Variants in HOXB3 observed in about 807,000 individuals in gnomAD.
HOXB3 encodes the protein homeobox B3.
Under a neutral mutation model 29.2 loss-of-function variants are expected in HOXB3, and 17 were observed. The observed-to-expected ratio is 0.58, with a 90% CI of 0.40 to 0.87. The LOEUF (loss-of-function observed/expected upper bound fraction) is 0.87. Ranked by LOEUF, HOXB3 falls within the 40% of genes least tolerant of loss-of-function variation. HOXB3 has a pLI of 0.00. For missense variants in HOXB3, 637 were observed against 616.3 expected (o/e 1.03, Z -0.35); for synonymous variants, 317 against 285.9 (o/e 1.11, Z -1.10).
chr17:48,551,644 G>A (rs3826542), intron 4 of HOXB3, among the ~76,000 whole-genome samples: 93,158 of 152,160 alleles, frequency 0.61, 29,918 homozygotes, highest in East Asian at 0.8. Flanking sequence ...AGAGGCTGCC[G>A]TTTCTGGAGG....
At chr17:48,572,636 CAG>C (rs780558743) in intron 2 of HOXB3, among the ~76,000 whole-genome samples, 1 of 152,168 alleles carries the variant, frequency 6.6e-6, no homozygotes, top group Admixed American at 6.5e-5. Flanking sequence ...GTGCTGTGTA[CAG>C]AGAGACAGAT....
chr17:48,568,679 G>A (rs1209719024), intron 2 of HOXB3, among the ~76,000 whole-genome samples: 1 of 152,000 alleles, frequency 6.6e-6, no homozygotes, highest in Non-Finnish European at 1.5e-5. Context: ...TGGCTGGCAT[G>A]CCGGCTGAGA....
chr17:48,550,488 G>T lies in HOXB3; in HGVS notation c.1142C>A (p.Ser381Tyr), dbSNP rs1404293963. 1.2e-6 allele frequency: 2 copies of T among 1,607,594 alleles called. No individual in the cohort carries two copies. Among genetic ancestry groups the T allele is most frequent in the African/African-American group, 2.7e-5 (2 of 74,528 alleles). The stretch of plus-strand genomic sequence containing the variant: ...CGCCCCGTTGTAGTCCAGGTTCCCG[G>T]AAGGGTGATGGGAAAGGTGGTTGAG... ...YGLNHLSHHP[S>Y]GNLDYNGAPP... is the part of the protein sequence containing the mutation. Residue 381 changes from serine (S) to tyrosine (Y), a missense_variant, in exon 5 of 5, where the codon TCC becomes TAC. Ser to Tyr is a moderately radical substitution (Grantham distance 144, BLOSUM62 -2). Transcript: ENST00000498678.
At chr17:48,561,191 C>CACACACACACAT (rs2069182896) in intron 2 of HOXB3, among the ~76,000 whole-genome samples, 1 of 137,950 alleles carries the variant, frequency 7.2e-6, no homozygotes, top group Non-Finnish European at 1.5e-5. Flanking sequence ...AAAACACACA[C>CACACACACACAT]ACACACACAC....
chr17:48,556,273 T>C (rs1301357327), intron 2 of HOXB3: 1 of 154,252 alleles, frequency 6.5e-6, no homozygotes, highest in Non-Finnish European at 1.4e-5. Context: ...TAGTGAACTA[T>C]TATGCTAATA....
chr17:48,563,981 C>T (rs1239555545), intron 2 of HOXB3, among the ~76,000 whole-genome samples: 1 of 152,130 alleles, frequency 6.6e-6, no homozygotes, highest in African/African-American at 2.4e-5. Flanking sequence ...CTAACAAGAT[C>T]ATGTCCACAC....
chr17:48,562,054 T>C (rs2069215593), intron 2 of HOXB3, among the ~76,000 whole-genome samples: 1 of 152,192 alleles, frequency 6.6e-6, no homozygotes, highest in South Asian at 2.1e-4. Context: ...ACCCGATGCC[T>C]GGCCCTCCCT....
intron 1 of HOXB3, among the ~76,000 whole-genome samples, chr17:48,589,158 A>C (rs1371460018): frequency 6.6e-6 from 1 of 152,208 alleles, no homozygotes; most frequent in East Asian, 1.9e-4. Context: ...ATGGTTCTAC[A>C]AAACAAAGGG....
intron 2 of HOXB3, among the ~76,000 whole-genome samples, chr17:48,568,255 G>A (rs1751249481): frequency 6.6e-6 from 1 of 152,216 alleles, no homozygotes; most frequent in African/African-American, 2.4e-5. Context: ...GTCTGCTGCT[G>A]CAGGAATGTT....
Position 48,552,278 on chromosome 17 carries a change from C to T in HOXB3, c.197G>A (p.Ser66Asn). Residue 66 changes from serine (S) to asparagine (N), a missense_variant, in exon 4 of 5, where the codon AGC (serine) becomes AAC (asparagine). Physicochemically the swap from Ser to Asn is conservative, Grantham distance 46. Transcript: ENST00000498678. ...CATGCAGCTGCCGTTGAGCTCCTTG[C>T]TCTTGGCATGTGGGGCAGCGTTGCC... ...SLGNAAPHAKSKELNGSCMRP... is the reference protein window; with the variant it reads ...SLGNAAPHAKNKELNGSCMRP... 6.2e-7 allele frequency: 1 copy of T among 1,613,966 alleles called. No homozygotes were observed. The highest frequency in any genetic ancestry group is 1.1e-5 in the South Asian group (1 of 91,082).
intron 1 of HOXB3, chr17:48,580,608 A>C (rs1480325532): frequency 6.6e-6 from 1 of 152,144 alleles, no homozygotes; most frequent in African/African-American, 2.4e-5. Context: ...CTGAGAAAAG[A>C]TCAAAGGCGT....
chr17:48,568,099 T>C (rs1039951658), intron 2 of HOXB3, among the ~76,000 whole-genome samples: 4 of 152,232 alleles, frequency 2.6e-5, no homozygotes, highest in Non-Finnish European at 4.4e-5. Context: ...ACAAAAATAT[T>C]TGCCTTCAAC....
chr17:48,559,953 G>C (rs539619773), intron 2 of HOXB3: 1 of 152,348 alleles, frequency 6.6e-6, no homozygotes, highest in African/African-American at 2.4e-5. Context: ...TGCTAATGAG[G>C]GGATGGCGGT....
In HOXB3 at chr17:48,550,556, G is replaced by A; in HGVS notation, c.1074C>T (p.Tyr358=). The A allele has an allele frequency of 2.6e-6, 4 of 1,523,434 alleles. No individual in the cohort carries two copies. The highest frequency in any genetic ancestry group is 3.5e-6 in the Non-Finnish European group (4 of 1,147,868). 94.4% of individuals were successfully genotyped at this position (1,523,434 alleles called of 1,614,324 possible). ...GSPVYVGGGG[Y]ADPLPPPAGP... ...CGGCAGGGGGCGGCAGCGGATCCGC[G>A]TAGCCGCCCCCGCCCACGTACACCG... is the stretch of plus-strand genomic sequence containing the variant. The change falls in exon 5 of 5, where the codon TAC becomes TAT. Residue 358 remains tyrosine, a synonymous_variant. Coordinates refer to ENST00000498678, the MANE Select transcript of HOXB3 (RefSeq NM_001384749.1).
At chr17:48,563,356 G>C (rs908210264) in intron 2 of HOXB3, among the ~76,000 whole-genome samples, 3 of 152,120 alleles carry the variant, frequency 2.0e-5, no homozygotes, top group African/African-American at 7.2e-5. Flanking sequence ...GAGAACATGG[G>C]GTCTCTCTCC....
chr17:48,552,262 G>A lies in HOXB3; in HGVS notation c.213C>T (p.Gly71=). The A allele has an allele frequency of 1.2e-6, 2 of 1,613,746 alleles. No individual in the cohort carries two copies. Among genetic ancestry groups the A allele is most frequent in the South Asian group, 2.2e-5 (2 of 91,080 alleles). The change falls in exon 4 of 5, where the codon GGC becomes GGT. Residue 71 remains glycine, a synonymous_variant. Transcript: ENST00000498678. The stretch of plus-strand genomic sequence containing the variant: ...GGGCCAGACCCGGCCTCATGCAGCT[G>A]CCGTTGAGCTCCTTGCTCTTGGCAT... The part of the protein sequence containing the change: ...APHAKSKELN[G]SCMRPGLAPE...
Position 48,555,339 on chromosome 17 carries a change from A to AGAGG in HOXB3, c.-159+191_-159+192insCCTC, listed in dbSNP as rs1567949093. On this transcript the variant is annotated intron_variant, in intron 3 of 4. Transcript: ENST00000498678. The stretch of plus-strand genomic sequence containing the variant: ...AGAGAGAGGGGAGAGAGAGAGGGAG[A>AGAGG]GAGAGAGAGAGAGAGAGAGAGAGAG... 5.7e-5 allele frequency: 24 copies of AGAGG among 418,404 alleles called. No homozygotes were observed. The African/African-American group carries it at 1.1e-3, about 20-fold the overall frequency. 25.9% of individuals were successfully genotyped at this position (418,404 alleles called of 1,614,324 possible).
At chr17:48,575,141 C>T (rs923340244) in intron 1 of HOXB3, 1 of 152,234 alleles carries the variant, frequency 6.6e-6, no homozygotes, top group African/African-American at 2.4e-5. Flanking sequence ...AGCTTAACCG[C>T]ATTTTATTTG....
intron 2 of HOXB3, among the ~76,000 whole-genome samples, chr17:48,568,105 T>C (rs2069448740): frequency 6.6e-6 from 1 of 152,210 alleles, no homozygotes; most frequent in Admixed American, 6.5e-5. Context: ...ATATTTGCCT[T>C]CAACTCCAGT....
Sources: gnomAD v4.1 joint callset for allele counts (sites outside exome capture counted in the v4.1 genomes callset) on GRCh38, gnomAD v4.1.1 for gene constraint, MANE v1.5 for transcripts, NCBI Gene and HGNC (gene_info 2026-07-23, HGNC 2026-07-21) for gene names.